Variants in CTIF observed in about 807,000 individuals in gnomAD.
CTIF encodes cap binding complex dependent translation initiation factor, also known as CBP80/20-dependent translation initiation factor.
A neutral mutation model predicts 66.0 loss-of-function variants in CTIF; 21 were observed. The observed-to-expected ratio is 0.32, with a 90% CI of 0.23 to 0.46. The LOEUF (loss-of-function observed/expected upper bound fraction) is 0.46. Ranked by LOEUF, CTIF falls within the 20% of genes least tolerant of loss-of-function variation. CTIF has a pLI of 1.00. For synonymous variants in CTIF, 345 were observed against 326.4 expected (o/e 1.06, Z -0.62); for missense variants, 739 against 812.7 (o/e 0.91, Z 1.10).
At chr18:48,820,839 G>A (rs149117060) in intron 10 of CTIF, among the ~76,000 whole-genome samples, 3,237 of 152,326 alleles carry the variant, frequency 0.021, 113 homozygotes, top group African/African-American at 0.073. Flanking sequence ...AAACCCAAGG[G>A]ATAGATGCAA....
chr18:48,685,594 G>A (rs1284937172), intron 6 of CTIF, among the ~76,000 whole-genome samples: 1 of 152,164 alleles, frequency 6.6e-6, no homozygotes, highest in Admixed American at 6.5e-5. Context: ...TCATGGAGAG[G>A]CACAGGGATT....
At position 48,636,636 on chromosome 18, in the gene CTIF, C is replaced by G. The variant is rs200501668; in HGVS notation, c.203C>G (p.Pro68Arg). ...ISQWTADCSEPLDSSCSFSRG... is the reference protein window; with the variant it reads ...ISQWTADCSERLDSSCSFSRG... ...CAGTGGACAGCGGACTGCAGCGAAC[C>G]GCTGGACAGCAGCTGTTCCTTCTCC... Residue 68 changes from proline (P) to arginine (R), a missense_variant, in exon 3 of 12, where the codon CCG (proline) becomes CGG (arginine). Around this residue, in one of 2 missense-constraint regions of CTIF, gnomAD observed 529 missense variants for 520.3 expected, o/e 1.02. Transcript: ENST00000256413. 7 of 1,594,518 alleles carry G rather than the reference C, an allele frequency of 4.4e-6. No individual in the cohort carries two copies. The Admixed American group carries it at 7.1e-5, about 16-fold the overall frequency.
chr18:48,837,243 G>T (rs923530185), intron 10 of CTIF, among the ~76,000 whole-genome samples: 10 of 152,090 alleles, frequency 6.6e-5, no homozygotes, highest in Non-Finnish European at 8.8e-5. Context: ...CTGTGCTCAC[G>T]AGAGCCCCTC....
chr18:48,575,226 C>T (rs760021318), intron 1 of CTIF, among the ~76,000 whole-genome samples: 11 of 152,202 alleles, frequency 7.2e-5, no homozygotes, highest in Non-Finnish European at 1.5e-4. Flanking sequence ...AGGGACTTTA[C>T]ATCTTTTACA....
At chr18:48,798,046 G>A (rs1157279283) in intron 9 of CTIF, among the ~76,000 whole-genome samples, 5 of 152,160 alleles carry the variant, frequency 3.3e-5, no homozygotes, top group Admixed American at 2.0e-4. Context: ...CAGAGCCAGC[G>A]CCACCAGGGG....
chr18:48,650,230 GAA>G (rs2091130198), intron 3 of CTIF, among the ~76,000 whole-genome samples: 1 of 152,260 alleles, frequency 6.6e-6, no homozygotes, highest in Non-Finnish European at 1.5e-5. Flanking sequence ...TAAAACCCTT[GAA>G]AAAAGATTAG....
chr18:48,703,871 G>A (rs920642183), intron 6 of CTIF, among the ~76,000 whole-genome samples: 1 of 152,214 alleles, frequency 6.6e-6, no homozygotes, highest in Admixed American at 6.5e-5. Context: ...AGGTGAGCCT[G>A]CCAAAAGGGC....
intron 7 of CTIF, among the ~76,000 whole-genome samples, chr18:48,744,982 C>T (rs1401565334): frequency 1.3e-5 from 2 of 152,076 alleles, no homozygotes; most frequent in Non-Finnish European, 2.9e-5. Flanking sequence ...ACCACCACAC[C>T]CGGCTAATTT....
At chr18:48,819,513 G>A (rs1006806279) in intron 10 of CTIF, among the ~76,000 whole-genome samples, 9 of 152,102 alleles carry the variant, frequency 5.9e-5, no homozygotes, top group East Asian at 3.9e-4. Context: ...GCCGAGCGCC[G>A]GCCCTGGCTG....
rs569583882 is a variant in CTIF, at chr18:48,857,457, G to A, written c.1528-131G>A. 19 of 745,878 alleles carry A rather than the reference G, an allele frequency of 2.5e-5. No homozygotes were observed. The South Asian group carries it at 3.2e-4, about 13-fold the overall frequency. 46.2% of individuals were successfully genotyped at this position (745,878 alleles called of 1,614,324 possible). A position where few individuals can be genotyped will look rare whatever the true frequency, so the allele number is the denominator to read the frequency against. ...CTTTTGTGGGCTCTCACTCTAGCCT[G>A]AACCTTGGAGATGTTTGTTACAGGC... On this transcript the variant is annotated intron_variant, in intron 10 of 11. Coordinates refer to ENST00000256413, the MANE Select transcript of CTIF (RefSeq NM_014772.3).
At position 48,578,738 on chromosome 18, in the gene CTIF, T is replaced by C. The variant is rs9783912; in HGVS notation, c.-29+39426T>C. Among the ~76,000 whole-genome samples, 643 of 152,362 alleles carry C rather than the reference T, an allele frequency of 4.2e-3. 5 individuals are homozygous for C. Among genetic ancestry groups the C allele is most frequent in the African/African-American group, 0.014 (573 of 41,584 alleles). Reference sequence around the variant, plus strand: ...AATTGTAAGAGTTCTTCGTATACTCTAAATACTAGACCCTTACCAGAATTT... The same window carrying C: ...AATTGTAAGAGTTCTTCGTATACTCCAAATACTAGACCCTTACCAGAATTT... On this transcript the variant is annotated intron_variant, in intron 1 of 11. Transcript: ENST00000256413.
intron 1 of CTIF, among the ~76,000 whole-genome samples, chr18:48,614,299 C>T (rs1222069583): frequency 6.6e-6 from 1 of 152,168 alleles, no homozygotes; most frequent in African/African-American, 2.4e-5. Context: ...AGAGAAAGCT[C>T]TACCCTTTTC....
chr18:48,778,227 C>T (rs1910869832), intron 9 of CTIF, among the ~76,000 whole-genome samples: 1 of 151,968 alleles, frequency 6.6e-6, no homozygotes, highest in South Asian at 2.1e-4. Flanking sequence ...TTCTAAGGAG[C>T]CAGGTAGAAA....
At chr18:48,740,912 G>A (rs73956013) in intron 7 of CTIF, among the ~76,000 whole-genome samples, 2,685 of 152,280 alleles carry the variant, frequency 0.018, 59 homozygotes, top group African/African-American at 0.052. Context: ...ATATAGCATC[G>A]TGGTTAAGAG....
intron 9 of CTIF, among the ~76,000 whole-genome samples, chr18:48,779,310 AACAGCCCCATTTTAT>A (rs1282374298): frequency 2.0e-5 from 3 of 152,284 alleles, no homozygotes; most frequent in East Asian, 3.9e-4. Context: ...GGTGGGGGTT[AACAGCCCCATTTTAT>A]ACATGGGGAA....
Position 48,859,569 on chromosome 18 carries a change from G to A in CTIF, c.*10G>A, listed in dbSNP as rs1029713989. ...GAAACTGACAGCCTGACAGCCAGGG[G>A]GCCTGGCAGGCGGCCCACGGGCAGC... is the stretch of plus-strand genomic sequence containing the variant. On this transcript the variant is annotated 3_prime_UTR_variant, in exon 12 of 12. Coordinates refer to ENST00000256413, the MANE Select transcript of CTIF (RefSeq NM_014772.3). The A allele has an allele frequency of 2.5e-6, 4 of 1,613,098 alleles. No homozygotes were observed. Among genetic ancestry groups the A allele is most frequent in the Non-Finnish European group, 3.4e-6 (4 of 1,179,366 alleles).
intron 1 of CTIF, among the ~76,000 whole-genome samples, chr18:48,618,410 T>C (rs1227228695): frequency 1.3e-5 from 2 of 152,176 alleles, no homozygotes; most frequent in African/African-American, 4.8e-5. Context: ...CTAGTTGTGA[T>C]ACTAAAAGCA....
intron 9 of CTIF, among the ~76,000 whole-genome samples, chr18:48,792,487 T>C (rs777928442): frequency 6.6e-6 from 1 of 151,902 alleles, no homozygotes; most frequent in Non-Finnish European, 1.5e-5. Context: ...TCTGAAAGGG[T>C]GGAGTAGATG....
chr18:48,777,593 A>G (rs1370743633), intron 9 of CTIF, among the ~76,000 whole-genome samples: 2 of 152,236 alleles, frequency 1.3e-5, no homozygotes, highest in Non-Finnish European at 2.9e-5. Flanking sequence ...AGGACAGAGC[A>G]TGGGTCCTGG....
Sources: gnomAD v4.1 joint callset for allele counts (sites outside exome capture counted in the v4.1 genomes callset) on GRCh38, gnomAD v4.1.1 for gene constraint, gnomAD v4.1.1 regional missense constraint, MANE v1.5 for transcripts, NCBI Gene and HGNC (gene_info 2026-07-23, HGNC 2026-07-21) for gene names.